Variants in WLS observed in about 807,000 individuals in gnomAD.
WLS encodes Wnt ligand secretion mediator.
Under a neutral mutation model 62.8 loss-of-function variants are expected in WLS, and 23 were observed. The observed-to-expected ratio is 0.37, with a 90% CI of 0.26 to 0.52. The LOEUF is 0.52. WLS is among the 20% of genes least tolerant of loss of function. WLS has a pLI of 0.92. For synonymous variants in WLS, 246 were observed against 244.1 expected (o/e 1.01, Z -0.07); for missense variants, 615 against 697.3 (o/e 0.88, Z 1.33).
At chr1:68,196,759 G>A (rs1648685720) in intron 1 of WLS, among the ~76,000 whole-genome samples, 1 of 152,074 alleles carries the variant, frequency 6.6e-6, no homozygotes, top group South Asian at 2.1e-4. Context: ...ACTAACCCCT[G>A]CTACAGACGT....
chr1:68,197,038 C>T lies in WLS; in HGVS notation c.107-2811G>A, dbSNP rs994083596. 3.3e-5 allele frequency among the ~76,000 whole-genome samples: 5 copies of T among 152,208 alleles called. No homozygotes were observed. The South Asian group carries it at 1.0e-3, about 32-fold the overall frequency. ...GACTATTTGCTGCAGAAAATAGTTA[C>T]TACATTTTAAAACTTCTATTCTTCC... On this transcript the variant is annotated intron_variant, in intron 1 of 11. Transcript: ENST00000262348.
chr1:68,230,531 C>T (rs12047406), intron 1 of WLS, among the ~76,000 whole-genome samples: 21,937 of 151,718 alleles, frequency 0.14, 2,037 homozygotes, highest in East Asian at 0.42. Context: ...AACGAGATTG[C>T]ATGTAGCCAA....
intron 2 of WLS, among the ~76,000 whole-genome samples, chr1:68,172,212 A>T (rs1483072472): frequency 6.6e-6 from 1 of 152,016 alleles, no homozygotes; most frequent in African/African-American, 2.4e-5. Flanking sequence ...CCTAATGTAG[A>T]TGACGGGTTG....
At chr1:68,183,620 G>T (rs200869835) in intron 2 of WLS, 9 of 456,164 alleles carry the variant, frequency 2.0e-5, no homozygotes, top group Non-Finnish European at 3.5e-5. Context: ...TAATGTGAGG[G>T]GTGAATTTGT....
At chr1:68,193,909 G>T (rs758848792) in intron 2 of WLS, 46 bp downstream of exon 2, 127 of 1,577,644 alleles carry the variant, frequency 8.0e-5, no homozygotes, top group African/African-American at 1.4e-5. Flanking sequence ...CCCAAAGAGG[G>T]CAATGCTCAA....
At chr1:68,172,364 A>G (rs1647167658) in intron 2 of WLS, among the ~76,000 whole-genome samples, 1 of 152,120 alleles carries the variant, frequency 6.6e-6, no homozygotes, top group African/African-American at 2.4e-5. Flanking sequence ...AATAAATACA[A>G]ATCTTATATA....
At chr1:68,141,936 T>A (rs971680161) in intron 10 of WLS, 2 of 152,178 alleles carry the variant, frequency 1.3e-5, no homozygotes, top group African/African-American at 4.8e-5. Context: ...AAGGCCTCAT[T>A]GCTACCCCCT....
chr1:68,220,131 G>A (rs559357681), intron 1 of WLS, among the ~76,000 whole-genome samples: 3 of 152,256 alleles, frequency 2.0e-5, no homozygotes, highest in African/African-American at 7.2e-5. Flanking sequence ...AACAACCCAA[G>A]TTAATTACTC....
intron 10 of WLS, chr1:68,141,613 C>T (rs558911612): frequency 6.6e-6 from 1 of 152,224 alleles, no homozygotes; most frequent in Non-Finnish European, 1.5e-5. Context: ...TGGCGAGATC[C>T]CCTCGCATTA....
downstream of WLS, among the ~76,000 whole-genome samples, chr1:68,123,030 T>C (rs1482463241): frequency 1.3e-5 from 2 of 152,242 alleles, no homozygotes; most frequent in African/African-American, 4.8e-5. Flanking sequence ...CATTAGCTCC[T>C]CAACATCTTT....
chr1:68,154,844 T>C (rs932822149), intron 4 of WLS, among the ~76,000 whole-genome samples: 5 of 152,252 alleles, frequency 3.3e-5, no homozygotes, highest in Non-Finnish European at 4.4e-5. Context: ...CAATCATGAC[T>C]ATTTCATGAT....
intron 11 of WLS, 121 bp from the exon 12 acceptor site, chr1:68,126,456 C>T: frequency 7.8e-7 from 1 of 1,287,470 alleles, no homozygotes; most frequent in Non-Finnish European, 1.1e-6. Context: ...CACAGAGACA[C>T]CTAGGGCACA....
At chr1:68,112,056 T>A (rs1557447226) in intron 11 of WLS, among the ~76,000 whole-genome samples, 1 of 152,160 alleles carries the variant, frequency 6.6e-6, no homozygotes, top group Non-Finnish European at 1.5e-5. Flanking sequence ...TCTAAGAAAA[T>A]GCCTTGGCCA....
chr1:68,148,364 C>T (rs774498776), intron 7 of WLS, among the ~76,000 whole-genome samples, 165 bp from the exon 8 acceptor site: 7 of 152,144 alleles, frequency 4.6e-5, no homozygotes, highest in South Asian at 2.1e-4. Flanking sequence ...TAGAATACAT[C>T]GGCCCAAATA....
chr1:68,112,439 C>A (rs2100332017), intron 11 of WLS, among the ~76,000 whole-genome samples: 1 of 152,294 alleles, frequency 6.6e-6, no homozygotes, highest in Middle Eastern at 3.4e-3. Flanking sequence ...AGGTGTCCAG[C>A]CTCCACGGCC....
chr1:68,155,584 C>G (rs940194841), intron 3 of WLS, among the ~76,000 whole-genome samples: 3 of 152,158 alleles, frequency 2.0e-5, no homozygotes, highest in Admixed American at 1.3e-4. Context: ...TCGCATCTTA[C>G]GAATCTTGTC....
intron 11 of WLS, among the ~76,000 whole-genome samples, chr1:68,137,292 G>T (rs1646624638): frequency 6.6e-6 from 1 of 152,192 alleles, no homozygotes; most frequent in Non-Finnish European, 1.5e-5. Context: ...CTGGGGACAG[G>T]AGAATAGCTA....
At chr1:68,153,306 G>T (rs142610958) in intron 5 of WLS, among the ~76,000 whole-genome samples, 1 of 152,224 alleles carries the variant, frequency 6.6e-6, no homozygotes, top group Non-Finnish European at 1.5e-5. Flanking sequence ...AAAAGAGCCA[G>T]AAAGGTGAGA....
intron 11 of WLS, among the ~76,000 whole-genome samples, chr1:68,102,132 A>G (rs1011564487): frequency 3.9e-5 from 6 of 152,130 alleles, no homozygotes; most frequent in Admixed American, 3.9e-4. Context: ...TGCCTTTGGT[A>G]TTCCATTCAA....
Sources: allele counts gnomAD v4.1 joint callset (sites outside exome capture counted in the v4.1 genomes callset), GRCh38; gene constraint gnomAD v4.1.1; transcripts MANE v1.5; gene names NCBI Gene and HGNC (gene_info 2026-07-23, HGNC 2026-07-21).